MAGI2: variants seen among roughly 807,000 people sequenced by gnomAD.
MAGI2 encodes the protein membrane-associated guanylate kinase, WW and PDZ domain-containing protein 2.
A neutral mutation model predicts 133.3 loss-of-function variants in MAGI2; 35 were observed. The ratio of observed to expected loss-of-function variants is 0.26; its 90% CI spans 0.20 to 0.35. The LOEUF is 0.35. Among genes scored for constraint, MAGI2 ranks in the 10% least tolerant of loss-of-function variants. The pLI is 1.00. For synonymous variants in MAGI2, 729 were observed against 710.6 expected, an observed-to-expected ratio of 1.03 and a Z score of -0.41; for missense variants, 1,636 against 1,863.4, an observed-to-expected ratio of 0.88 and a Z score of 2.25.
chr7:78,465,242 G>A (rs11976155), intron 6 of MAGI2, among the ~76,000 whole-genome samples: 2 of 152,128 alleles, frequency 1.3e-5, no homozygotes, highest in African/African-American at 4.8e-5. Context: ...GGTGTCTGTA[G>A]GTAGGTCATT....
At chr7:78,489,492 G>C (rs1793389150) in intron 6 of MAGI2, among the ~76,000 whole-genome samples, 1 of 152,028 alleles carries the variant, frequency 6.6e-6, no homozygotes, top group Admixed American at 6.6e-5. Flanking sequence ...GTCCTTAGTA[G>C]GTGGTGGAAA....
At chr7:78,185,322 G>A (rs1008549623) in intron 13 of MAGI2, among the ~76,000 whole-genome samples, 7 of 152,158 alleles carry the variant, frequency 4.6e-5, no homozygotes, top group Non-Finnish European at 7.4e-5. Flanking sequence ...AGTGGCTACT[G>A]TATTACACAG....
At chr7:78,983,984 A>C (rs1805016505) in intron 2 of MAGI2, among the ~76,000 whole-genome samples, 1 of 151,954 alleles carries the variant, frequency 6.6e-6, no homozygotes, top group Non-Finnish European at 1.5e-5. Flanking sequence ...ATCTCCATTT[A>C]AATGTCCTAG....
chr7:78,608,652 C>G (rs773614748), intron 3 of MAGI2, among the ~76,000 whole-genome samples: 4 of 151,868 alleles, frequency 2.6e-5, no homozygotes, highest in African/African-American at 9.7e-5. Context: ...CCTGGTATGC[C>G]TATGTTGATT....
intron 1 of MAGI2, among the ~76,000 whole-genome samples, chr7:79,120,769 G>A (rs931760087): frequency 1.3e-5 from 2 of 151,976 alleles, no homozygotes; most frequent in African/African-American, 4.8e-5. Flanking sequence ...TCTATATACG[G>A]TATTGTAATG....
intron 2 of MAGI2, among the ~76,000 whole-genome samples, chr7:78,887,391 A>G (rs1300233701): frequency 1.3e-5 from 2 of 152,248 alleles, no homozygotes; most frequent in African/African-American, 2.4e-5. Flanking sequence ...TTATCAGCCC[A>G]TTCTGATTTG....
chr7:78,415,911 G>T (rs933560882), intron 6 of MAGI2, among the ~76,000 whole-genome samples: 1 of 152,094 alleles, frequency 6.6e-6, no homozygotes, highest in Non-Finnish European at 1.5e-5. Flanking sequence ...CCAATCCTTT[G>T]TATGATGATG....
At chr7:79,080,065 C>G (rs997179504) in intron 1 of MAGI2, among the ~76,000 whole-genome samples, 4 of 152,086 alleles carry the variant, frequency 2.6e-5, no homozygotes, top group African/African-American at 9.7e-5. Flanking sequence ...GACACTATTT[C>G]ATTTCTCTCA....
chr7:79,452,777 T>G (rs901238229), intron 1 of MAGI2: 31 of 501,872 alleles, frequency 6.2e-5, no homozygotes, highest in Admixed American at 3.4e-4. Context: ...CCGAGCACCT[T>G]CCAAAGGGGA....
intron 1 of MAGI2, among the ~76,000 whole-genome samples, chr7:79,441,343 T>G (rs533408838): frequency 6.6e-6 from 1 of 152,326 alleles, no homozygotes; most frequent in African/African-American, 2.4e-5. Flanking sequence ...AAGCATCTCC[T>G]TAGTCAATGT....
intron 20 of MAGI2, among the ~76,000 whole-genome samples, chr7:78,109,132 A>G (rs1206446335): frequency 8.0e-5 from 12 of 149,672 alleles, no homozygotes; most frequent in Admixed American, 3.3e-4. Context: ...GCGAAACCCC[A>G]TCTCTACTAA....
intron 1 of MAGI2, among the ~76,000 whole-genome samples, chr7:79,118,636 C>T (rs1819611422): frequency 6.6e-6 from 1 of 152,220 alleles, no homozygotes; most frequent in East Asian, 1.9e-4. Flanking sequence ...ATATAACATT[C>T]CAAATTGTGC....
Position 78,373,928 on chromosome 7 carries a change from T to A in MAGI2, c.1046-4715A>T, listed in dbSNP as rs148020103. ...TCCATGTTGCTGCAAAGGACATGATTTTGTTATTTTGTGTGGCTGCATAGT... is the reference window on the plus strand; with the variant it reads ...TCCATGTTGCTGCAAAGGACATGATATTGTTATTTTGTGTGGCTGCATAGT... On this transcript the variant is annotated intron_variant, in intron 6 of 21. Transcript: ENST00000354212. Among the ~76,000 whole-genome samples, 605 of 152,270 alleles carry A rather than the reference T, an allele frequency of 4.0e-3. 1 individual carries two copies. Among genetic ancestry groups the A allele is most frequent in the Non-Finnish European group, 6.5e-3 (442 of 68,008 alleles).
At chr7:79,104,987 C>T (rs1394743808) in intron 1 of MAGI2, among the ~76,000 whole-genome samples, 2 of 152,154 alleles carry the variant, frequency 1.3e-5, no homozygotes, top group Non-Finnish European at 2.9e-5. Flanking sequence ...TGGTGAACTT[C>T]TTTATGCAAA....
At chr7:78,630,858 T>C (rs953450825) in intron 2 of MAGI2, among the ~76,000 whole-genome samples, 9 of 152,214 alleles carry the variant, frequency 5.9e-5, no homozygotes, top group Non-Finnish European at 1.0e-4. Context: ...AAGTTTATCC[T>C]ATTGAAGAAA....
chr7:78,034,922 C>T lies in MAGI2; in HGVS notation c.3707-14946G>A, dbSNP rs528326898. 7.2e-5 allele frequency: 11 copies of T among 152,420 alleles called. No individual in the cohort carries two copies. The East Asian group carries it at 2.1e-3, about 29-fold the overall frequency. The allele number at this position is 152,420 out of a possible 1,614,324, so 9.4% of individuals were successfully genotyped here. A position where few individuals can be genotyped will look rare whatever the true frequency, so the allele number is the denominator to read the frequency against. ...ACTTTCCTACAGTCTTACATCCACT[C>T]ATTCATTCACCTGTTCAAGTTCTGT... On this transcript the variant is annotated intron_variant, in intron 21 of 21. Coordinates refer to ENST00000354212, the MANE Select transcript of MAGI2 (RefSeq NM_012301.4).
At chr7:78,136,961 A>C (rs1481880624) in intron 16 of MAGI2, among the ~76,000 whole-genome samples, 1 of 151,736 alleles carries the variant, frequency 6.6e-6, no homozygotes. Flanking sequence ...TGGAAACTAA[A>C]ACATGTTTTT....
In MAGI2 at chr7:79,134,413, T is replaced by C. The variant is rs183789488; in HGVS notation, c.302-127207A>G. 1.3e-4 allele frequency among the ~76,000 whole-genome samples: 20 copies of C among 152,318 alleles called. No homozygotes were observed. The East Asian group carries it at 2.7e-3, about 21-fold the overall frequency. On this transcript the variant is annotated intron_variant, in intron 1 of 21. Transcript: ENST00000354212. The stretch of plus-strand genomic sequence containing the variant: ...CTAAATCTTCAACTCTCTAATTCCA[T>C]GTAGAAGCTTAAAGATGGTGTGGTT...
chr7:79,386,084 A>C (rs538005042), intron 1 of MAGI2, among the ~76,000 whole-genome samples: 1 of 148,456 alleles, frequency 6.7e-6, no homozygotes, highest in Non-Finnish European at 1.5e-5. Context: ...AATAATAAAA[A>C]ATTTTAATAT....
Sources: gnomAD v4.1 joint callset for allele counts (sites outside exome capture counted in the v4.1 genomes callset) on GRCh38, gnomAD v4.1.1 for gene constraint, MANE v1.5 for transcripts, NCBI Gene and HGNC (gene_info 2026-07-23, HGNC 2026-07-21) for gene names.